The following SLC67A1 variants were observed in gnomAD, a reference collection of about 807,000 sequenced individuals.
The protein encoded by SLC67A1 is solute carrier family 67 member 1.
the SLC67A1 span, among the ~76,000 whole-genome samples, chr11:2,900,692 C>CAAATAAAAAAAAAAAAAAA: frequency 1.7e-5 from 1 of 59,640 alleles, no homozygotes; most frequent in Admixed American, 2.2e-4. Context: ...GACTCCGTCT[C>CAAATAAAAAAAAAAAAAAA]AAAAAAAAAA....
the SLC67A1 span, chr11:2,903,617 G>GT: frequency 6.9e-5 from 69 of 1,006,420 alleles, no homozygotes; most frequent in African/African-American, 1.3e-3. Flanking sequence ...TCCCAGTTGG[G>GT]ACTCATGCCA....
chr11:2,915,192 GC>G, the SLC67A1 span: 3 of 985,232 alleles, frequency 3.0e-6, no homozygotes, highest in African/African-American at 3.5e-5. Context: ...CTCAGAGGTG[GC>G]CCCACTGACT....
At chr11:2,922,062 C>T in the SLC67A1 span, 1 of 1,484,038 alleles carries the variant, frequency 6.7e-7, no homozygotes. Context: ...CCTCCCTCGC[C>T]TCCCCCATAC....
the SLC67A1 span, chr11:2,908,286 C>G: frequency 6.2e-7 from 1 of 1,613,900 alleles, no homozygotes; most frequent in Non-Finnish European, 8.5e-7. Context: ...ACCTGCAAAC[C>G]ACCTTCGGGG....
At chr11:2,903,484 G>A in the SLC67A1 span, 85 of 1,613,080 alleles carry the variant, frequency 5.3e-5, no homozygotes, top group Admixed American at 6.7e-5. Flanking sequence ...GTTCTCCATC[G>A]TGCCAGTGAG....
the SLC67A1 span, among the ~76,000 whole-genome samples, chr11:2,907,487 C>T: frequency 6.6e-6 from 1 of 152,194 alleles, no homozygotes; most frequent in Non-Finnish European, 1.5e-5. This position sits in a 1 kb window ranked among gnomAD's most constrained non-coding sequence, Gnocchi z 6.7. Context: ...CCCAAATTCT[C>T]CTCCTAATGA....
the SLC67A1 span, chr11:2,916,497 T>C: frequency 1.4e-6 from 1 of 705,926 alleles, no homozygotes; most frequent in Non-Finnish European, 2.5e-6. Flanking sequence ...GGCCACAGAC[T>C]GTGGGGATGT....
At chr11:2,913,621 C>T in the SLC67A1 span, among the ~76,000 whole-genome samples, 3 of 152,196 alleles carry the variant, frequency 2.0e-5, no homozygotes, top group African/African-American at 4.8e-5. Flanking sequence ...TCCTGGAGCA[C>T]GGATGACTTC....
At chr11:2,910,273 C>G in the SLC67A1 span, among the ~76,000 whole-genome samples, 4 of 152,088 alleles carry the variant, frequency 2.6e-5, no homozygotes, top group African/African-American at 9.7e-5. Context: ...AACATTGCCC[C>G]CAGGACTCTG....
the SLC67A1 span, chr11:2,908,174 A>T: frequency 9.8e-7 from 1 of 1,021,584 alleles, no homozygotes; most frequent in Non-Finnish European, 1.5e-6. Flanking sequence ...CAGGGACCCC[A>T]GATTCTAGGC....
chr11:2,909,506 G>A, the SLC67A1 span: 1 of 1,446,778 alleles, frequency 6.9e-7, no homozygotes, highest in Non-Finnish European at 9.1e-7. Context: ...GTGGCTTGTG[G>A]AGGGGCGGGT....
chr11:2,919,082 G>A, the SLC67A1 span: 257 of 578,898 alleles, frequency 4.4e-4, no homozygotes, highest in Middle Eastern at 9.3e-4. Flanking sequence ...CCTGCTCACA[G>A]TCCAGAGCTT....
At chr11:2,911,935 G>A in the SLC67A1 span, among the ~76,000 whole-genome samples, 3 of 152,150 alleles carry the variant, frequency 2.0e-5, no homozygotes, top group East Asian at 1.9e-4. Context: ...CATTCCATTC[G>A]CTTCCCTGCC....
the SLC67A1 span, chr11:2,916,814 C>T: frequency 3.7e-6 from 5 of 1,339,562 alleles, no homozygotes; most frequent in East Asian, 4.6e-5. Flanking sequence ...CGTGCTCCAG[C>T]CAAGGGGTAC....
the SLC67A1 span, chr11:2,920,733 A>G: frequency 2.0e-5 from 3 of 152,266 alleles, no homozygotes; most frequent in Non-Finnish European, 4.4e-5. Flanking sequence ...CAAGCTTGTT[A>G]GCTCCAGGTT....
the SLC67A1 span, chr11:2,909,755 G>T: frequency 1.4e-6 from 2 of 1,415,124 alleles, no homozygotes; most frequent in Non-Finnish European, 9.2e-7. Flanking sequence ...CAGGACGCCC[G>T]CGGCTGGGTC....
At chr11:2,919,417 C>T in the SLC67A1 span, 17 of 1,601,912 alleles carry the variant, frequency 1.1e-5, no homozygotes, top group Non-Finnish European at 1.5e-5. Context: ...GGTGAGTGGG[C>T]ACACAGGGCC....
chr11:2,923,922 C>T, the SLC67A1 span, among the ~76,000 whole-genome samples: 1 of 152,224 alleles, frequency 6.6e-6, no homozygotes, highest in African/African-American at 2.4e-5. The surrounding 1 kb of genome is among the most constrained non-coding windows in gnomAD (Gnocchi z 6.5). Context: ...TAATGGTCCT[C>T]CATGCTGGGC....
the SLC67A1 span, among the ~76,000 whole-genome samples, chr11:2,910,435 T>C: frequency 6.6e-6 from 1 of 152,000 alleles, no homozygotes; most frequent in African/African-American, 2.4e-5. Flanking sequence ...AGGGCCTGTC[T>C]GAGGAGGCGG....
Sources: allele counts gnomAD v4.1 joint callset (sites outside exome capture counted in the v4.1 genomes callset), GRCh38; gene constraint gnomAD v4.1.1; non-coding constraint Gnocchi (gnomAD v3.1); transcripts MANE v1.5; gene names NCBI Gene and HGNC (gene_info 2026-07-23, HGNC 2026-07-21).